SLC24A2: variants seen among roughly 807,000 people sequenced by gnomAD.
SLC24A2 encodes the protein solute carrier family 24 member 2.
In SLC24A2, 36 loss-of-function variants were observed where a neutral mutation model predicts 62.0. That is an observed-to-expected ratio of 0.58 (90% CI 0.44 to 0.77). SLC24A2 has a LOEUF of 0.77. SLC24A2 is among the 30% of genes least tolerant of loss of function. The pLI, the probability that SLC24A2 is intolerant of heterozygous loss-of-function variation, is 0.00. For missense variants in SLC24A2, 846 were observed against 817.9 expected, an observed-to-expected ratio of 1.03 and a Z score of -0.42; for synonymous variants, 358 against 294.0, an observed-to-expected ratio of 1.22 and a Z score of -2.23.
the SLC24A2 span, among the ~76,000 whole-genome samples, chr9:20,012,361 T>C: frequency 6.6e-6 from 1 of 152,154 alleles, no homozygotes; most frequent in Non-Finnish European, 1.5e-5. Context: ...TCGTGAGTCT[T>C]ATTCACCATC....
At chr9:19,537,005 G>C (rs1411449907) in intron 8 of SLC24A2, among the ~76,000 whole-genome samples, 1 of 143,568 alleles carries the variant, frequency 7.0e-6, no homozygotes, top group African/African-American at 2.6e-5. Flanking sequence ...GTCTTCTTTT[G>C]AGAAGTGTCT....
chr9:19,902,734 A>G, the SLC24A2 span, among the ~76,000 whole-genome samples: 1 of 152,246 alleles, frequency 6.6e-6, no homozygotes, highest in African/African-American at 2.4e-5. Context: ...AGAAAGAGCC[A>G]TATTTTCAGA....
chr9:20,029,812 G>C, the SLC24A2 span, among the ~76,000 whole-genome samples: 1 of 151,978 alleles, frequency 6.6e-6, no homozygotes, highest in African/African-American at 2.4e-5. Flanking sequence ...ATATGGGTAA[G>C]TGTGTGTGTG....
At chr9:19,975,529 C>T in the SLC24A2 span, among the ~76,000 whole-genome samples, 2 of 152,166 alleles carry the variant, frequency 1.3e-5, no homozygotes, top group African/African-American at 4.8e-5. Context: ...CTTTGCACTT[C>T]TATTTCCTCA....
chr9:20,028,802 T>A, the SLC24A2 span, among the ~76,000 whole-genome samples: 2 of 152,218 alleles, frequency 1.3e-5, no homozygotes, highest in African/African-American at 4.8e-5. Flanking sequence ...CCACATGTTG[T>A]CAAAAGCCTG....
At chr9:20,023,166 A>G in the SLC24A2 span, among the ~76,000 whole-genome samples, 12 of 152,268 alleles carry the variant, frequency 7.9e-5, no homozygotes, top group African/African-American at 2.9e-4. Context: ...ATATATTTTC[A>G]TAATAGATGT....
the SLC24A2 span, among the ~76,000 whole-genome samples, chr9:20,246,875 C>T: frequency 1.3e-5 from 2 of 152,210 alleles, no homozygotes; most frequent in African/African-American, 4.8e-5. Flanking sequence ...CACCACCACC[C>T]TATCTCCACT....
chr9:20,191,827 G>A, the SLC24A2 span, among the ~76,000 whole-genome samples: 1 of 152,004 alleles, frequency 6.6e-6, no homozygotes, highest in Non-Finnish European at 1.5e-5. Flanking sequence ...AAAAGAGTGA[G>A]GTTTCCAGAA....
the SLC24A2 span, among the ~76,000 whole-genome samples, chr9:19,876,070 A>G: frequency 2.6e-5 from 4 of 152,210 alleles, no homozygotes; most frequent in East Asian, 1.9e-4. Flanking sequence ...TTCCTTTAGT[A>G]TTGTTAGGGC....
At chr9:20,008,558 C>T in the SLC24A2 span, among the ~76,000 whole-genome samples, 1 of 152,154 alleles carries the variant, frequency 6.6e-6, no homozygotes, top group East Asian at 1.9e-4. Flanking sequence ...TTGGCAGCTC[C>T]ATGACTTCTG....
In SLC24A2 at chr9:19,786,131, T is replaced by C. The variant is rs1026237775; in HGVS notation, c.736A>G (p.Ile246Val). The change falls in exon 2 of 11, where the codon ATT becomes GTT. Residue 246 changes from isoleucine (I) to valine (V), a missense_variant. Transcript: ENST00000341998. The surrounding 1 kb of genome is among the most constrained non-coding windows in gnomAD (Gnocchi z 5.0). Reference sequence around the variant, plus strand: ...ATGATCAGCATGATCAAGTCAACAATGTAGAAAGACACATCTCGAAAGAGC... The same window carrying C: ...ATGATCAGCATGATCAAGTCAACAACGTAGAAAGACACATCTCGAAAGAGC... ...WPLFRDVSFY[I>V]VDLIMLIIFF... The C allele has an allele frequency of 5.0e-6, 8 of 1,614,082 alleles. No homozygotes were observed. The highest frequency in any genetic ancestry group is 4.0e-5 in the African/African-American group (3 of 74,932).
At chr9:19,608,388 C>A (rs1335504641) in intron 4 of SLC24A2, among the ~76,000 whole-genome samples, 1 of 151,736 alleles carries the variant, frequency 6.6e-6, no homozygotes, top group Non-Finnish European at 1.5e-5. Context: ...GCAAACCCAG[C>A]AAGCAAGTGA....
At chr9:20,303,927 G>A in the SLC24A2 span, among the ~76,000 whole-genome samples, 2 of 152,086 alleles carry the variant, frequency 1.3e-5, no homozygotes, top group Non-Finnish European at 2.9e-5. Flanking sequence ...TTTGGATGGG[G>A]CAAGACTTGG....
the SLC24A2 span, among the ~76,000 whole-genome samples, chr9:20,008,822 G>T: frequency 1.3e-5 from 2 of 152,118 alleles, no homozygotes; most frequent in African/African-American, 2.4e-5. Flanking sequence ...AGGGCCTTCA[G>T]TTTCCCAGTT....
intron 2 of SLC24A2, among the ~76,000 whole-genome samples, chr9:19,690,391 G>A (rs1311153358): frequency 6.6e-6 from 1 of 152,068 alleles, no homozygotes; most frequent in Non-Finnish European, 1.5e-5. Context: ...TGCAGGGACT[G>A]GTAAGAAGCT....
chr9:20,284,734 C>T, the SLC24A2 span, among the ~76,000 whole-genome samples: 78 of 152,074 alleles, frequency 5.1e-4, no homozygotes, highest in Non-Finnish European at 7.4e-5. Context: ...CCATTCAATC[C>T]TGGATTTCAA....
chr9:19,976,282 T>A, the SLC24A2 span, among the ~76,000 whole-genome samples: 1 of 152,216 alleles, frequency 6.6e-6, no homozygotes, highest in African/African-American at 2.4e-5. Flanking sequence ...CCAAATCTCA[T>A]CTTGAATTGT....
chr9:19,953,331 C>G, the SLC24A2 span, among the ~76,000 whole-genome samples: 1 of 151,896 alleles, frequency 6.6e-6, no homozygotes, highest in Non-Finnish European at 1.5e-5. Flanking sequence ...GGAAACAAAA[C>G]AAGGAAAAAT....
chr9:19,577,096 G>T, intron 5 of SLC24A2, 74 bp from the exon 6 acceptor site: 1 of 1,164,666 alleles, frequency 8.6e-7, no homozygotes, highest in Non-Finnish European at 1.3e-6. Context: ...CAGGTATGTG[G>T]CCTCCTCAGT....
Sources: gnomAD v4.1 joint callset for allele counts (sites outside exome capture counted in the v4.1 genomes callset) on GRCh38, gnomAD v4.1.1 for gene constraint, Gnocchi (gnomAD v3.1) non-coding constraint, MANE v1.5 for transcripts, NCBI Gene and HGNC (gene_info 2026-07-23, HGNC 2026-07-21) for gene names.